Variants in CCDC81 observed in about 807,000 individuals in gnomAD.
The protein encoded by CCDC81 is coiled-coil domain containing 81, also known as coiled-coil domain-containing protein 81.
Under a neutral mutation model 83.7 loss-of-function variants are expected in CCDC81, and 79 were observed. The ratio of observed to expected loss-of-function variants is 0.94; its 90% confidence interval spans 0.79 to 1.14. The LOEUF is 1.14. CCDC81 is among the 50% of genes most tolerant of loss of function. The probability of loss-of-function intolerance (pLI) is 0.00; values close to 1 mark genes in which losing one functional copy is unlikely to be tolerated. For missense variants in CCDC81, 791 were observed against 778.1 expected (o/e 1.02, Z -0.20); for synonymous variants, 252 against 278.1 (o/e 0.91, Z 0.93).
chr11:86,416,826 CT>C (rs1279703489), intron 13 of CCDC81, among the ~76,000 whole-genome samples: 1 of 152,204 alleles, frequency 6.6e-6, no homozygotes, highest in African/African-American at 2.4e-5. Flanking sequence ...TAGAAGGCCA[CT>C]TTCTTTCAGA....
rs61157417 is a variant in CCDC81, at chr11:86,377,968, CTTTTTTTTTTTT to C, written c.79+2737_79+2748del. 1.5e-4 allele frequency among the ~76,000 whole-genome samples: 11 copies of C among 73,360 alleles called. 1 individual carries two copies. Among genetic ancestry groups the C allele is most frequent in the African/African-American group, 2.6e-4 (5 of 19,216 alleles). 48.1% of individuals were successfully genotyped at this position (73,360 alleles called of 152,430 possible). A position where few individuals can be genotyped will look rare whatever the true frequency, so the allele number is the denominator to read the frequency against. On this transcript the variant is annotated intron_variant, in intron 1 of 14. Coordinates refer to ENST00000445632, the MANE Select transcript of CCDC81 (RefSeq NM_001156474.2). ...AAGGTGTAAGGTCTGTGCCTAGGTT[CTTTTTTTTTTTT>C]TTTTTTTTTTGCATGTGGATGTCCA...
In CCDC81 at chr11:86,392,677, G is replaced by T; in HGVS notation, c.435G>T (p.Glu145Asp). Reference sequence around the variant, plus strand: ...CCATTTCCATGAAACAAAATGTGGAGTTTACATTCAAAGGAATTGGGGTCC... The same window carrying T: ...CCATTTCCATGAAACAAAATGTGGATTTTACATTCAAAGGAATTGGGGTCC... ...SRSISMKQNVEFTFKGIGVLM... is the reference protein window; with the variant it reads ...SRSISMKQNVDFTFKGIGVLM... The change falls in exon 4 of 15, where the codon GAG (glutamate) becomes GAT (aspartate). Residue 145 changes from glutamate (E) to aspartate (D), a missense_variant. Transcript: ENST00000445632. The T allele has an allele frequency of 6.4e-7, 1 of 1,551,676 alleles. No individual in the cohort carries two copies. The highest frequency in any genetic ancestry group is 1.2e-5 in the South Asian group (1 of 84,062).
At chr11:86,375,781 A>G (rs1948090931) in intron 1 of CCDC81, among the ~76,000 whole-genome samples, 1 of 152,230 alleles carries the variant, frequency 6.6e-6, no homozygotes, top group African/African-American at 2.4e-5. Flanking sequence ...ATCTGTTTTT[A>G]GCATCGTTTG....
chr11:86,404,568 G>C (rs1948539582), intron 7 of CCDC81, among the ~76,000 whole-genome samples: 1 of 152,132 alleles, frequency 6.6e-6, no homozygotes, highest in Admixed American at 6.6e-5. Context: ...AGACCACATG[G>C]AAATAAGCTG....
In CCDC81 at chr11:86,415,121, C is replaced by G. The variant is rs118081475; in HGVS notation, c.1499C>G (p.Pro500Arg). The G allele has an allele frequency of 2.5e-4, 405 of 1,614,162 alleles. 2 individuals are homozygous for G. In the African/African-American group the frequency reaches 4.4e-3, roughly 17 times the overall value. Reference protein sequence around the residue: ...QIKNKPSRLPPFEPDSSEPIF... With the variant: ...QIKNKPSRLPRFEPDSSEPIF... ...AAGAACAAACCCTCTCGGCTGCCCC[C>G]CTTTGAGCCAGACTCCTCTGAGCCC... is the stretch of plus-strand genomic sequence containing the variant. Residue 500 changes from proline (P) to arginine (R), a missense_variant, in exon 13 of 15, where the codon CCC becomes CGC. Pro to Arg is a moderately radical substitution (Grantham distance 103). Transcript: ENST00000445632.
Position 86,386,360 on chromosome 11 carries a change from G to GT in CCDC81, c.141+250dup, listed in dbSNP as rs373025474. On this transcript the variant is annotated intron_variant, in intron 2 of 14. Coordinates refer to ENST00000445632, the MANE Select transcript of CCDC81 (RefSeq NM_001156474.2). Reference sequence around the variant, plus strand: ...AATTTGTAAGTTCTGCTCTTCTAGTGTTACAGAGTGTAGTGCTGATCAGCC... The same window carrying GT: ...AATTTGTAAGTTCTGCTCTTCTAGTGTTTACAGAGTGTAGTGCTGATCAGCC... Among the ~76,000 whole-genome samples the GT allele has an allele frequency of 1.5e-3, 225 of 152,258 alleles. 1 individual carries two copies. The highest frequency in any genetic ancestry group is 5.4e-3 in the African/African-American group (223 of 41,546).
chr11:86,398,528 A>T (rs1028246384), intron 6 of CCDC81, among the ~76,000 whole-genome samples: 3 of 144,432 alleles, frequency 2.1e-5, no homozygotes, highest in Non-Finnish European at 4.6e-5. Context: ...GACTCCAAAG[A>T]TTTTTTTTTT....
intron 5 of CCDC81, among the ~76,000 whole-genome samples, chr11:86,396,054 C>T (rs1386865103): frequency 6.6e-6 from 1 of 152,208 alleles, no homozygotes; most frequent in Non-Finnish European, 1.5e-5. Context: ...ACCACTTCTT[C>T]TGCCCTAGCT....
In CCDC81 at chr11:86,375,075, G is replaced by A; in HGVS notation, c.-89G>A. 8.7e-7 allele frequency: 1 copy of A among 1,146,608 alleles called. No homozygotes were observed. Among genetic ancestry groups the A allele is most frequent in the Non-Finnish European group, 1.3e-6 (1 of 756,660 alleles). The allele number at this position is 1,146,608 out of a possible 1,614,324, so 71.0% of individuals were successfully genotyped here. On this transcript the variant is annotated 5_prime_UTR_variant, in exon 1 of 15. Coordinates refer to ENST00000445632, the MANE Select transcript of CCDC81 (RefSeq NM_001156474.2). ...CCAAAGCTCCGTGGAGAAGGGGCTGGAGGGTGGGAAAATTATTTTTGTGCA... is the reference window on the plus strand; with the variant it reads ...CCAAAGCTCCGTGGAGAAGGGGCTGAAGGGTGGGAAAATTATTTTTGTGCA...
intron 10 of CCDC81, among the ~76,000 whole-genome samples, chr11:86,411,580 G>C (rs1270374930): frequency 6.6e-6 from 1 of 152,142 alleles, no homozygotes; most frequent in Non-Finnish European, 1.5e-5. Flanking sequence ...GCCCACAGTA[G>C]GTATTCAGTT....
chr11:86,417,918 A>G (rs909718728), intron 13 of CCDC81, among the ~76,000 whole-genome samples: 2 of 151,926 alleles, frequency 1.3e-5, no homozygotes, highest in African/African-American at 2.4e-5. Context: ...TGGCTAATGT[A>G]TGATACATTT....
intron 14 of CCDC81, 24 bp from the exon 15 acceptor site, chr11:86,422,550 C>A: frequency 6.3e-7 from 1 of 1,598,836 alleles, no homozygotes; most frequent in Non-Finnish European, 8.6e-7. Context: ...ACCTGCTGAT[C>A]GGCATTTGCT....
chr11:86,403,751 A>G (rs1948525738), intron 7 of CCDC81, among the ~76,000 whole-genome samples: 1 of 152,130 alleles, frequency 6.6e-6, no homozygotes, highest in African/African-American at 2.4e-5. Flanking sequence ...GTTTTATATT[A>G]TTGGGATTTG....
At chr11:86,400,826 T>C (rs1948476536) in intron 7 of CCDC81, 25 bp downstream of exon 7, 4 of 1,567,538 alleles carry the variant, frequency 2.6e-6, no homozygotes, top group Non-Finnish European at 3.5e-6. Flanking sequence ...TTTTTTTTTC[T>C]GTTGTACTTT....
intron 14 of CCDC81, among the ~76,000 whole-genome samples, chr11:86,420,548 T>C (rs1009962729): frequency 6.6e-6 from 1 of 152,172 alleles, no homozygotes; most frequent in African/African-American, 2.4e-5. Context: ...ACTACTGTTG[T>C]ATTACATCTT....
In CCDC81 at chr11:86,395,257, A is replaced by T. The variant is rs563197100; in HGVS notation, c.556-77A>T. The stretch of plus-strand genomic sequence containing the variant: ...GAAAAGTATCGTGGTAGCCTTGCCT[A>T]TGAGCCTGCAGTTTTTAATTTGTCT... On this transcript the variant is annotated intron_variant, in intron 4 of 14. Transcript: ENST00000445632. 797 of 1,105,784 alleles carry T rather than the reference A, an allele frequency of 7.2e-4. 6 individuals are homozygous for T. Among genetic ancestry groups the T allele is most frequent in the South Asian group, 7.2e-4 (54 of 74,802 alleles). 68.5% of individuals were successfully genotyped at this position (1,105,784 alleles called of 1,614,324 possible). A position where few individuals can be genotyped will look rare whatever the true frequency, so the allele number is the denominator to read the frequency against.
At chr11:86,400,869 G>T (rs377452715) in intron 7 of CCDC81, 68 bp downstream of exon 7, 1 of 1,447,366 alleles carries the variant, frequency 6.9e-7, no homozygotes, top group Non-Finnish European at 9.4e-7. Flanking sequence ...TGCTTGATGC[G>T]GGGAACTGTA....
chr11:86,401,257 A>G (rs1196391523), intron 7 of CCDC81, among the ~76,000 whole-genome samples: 1 of 152,190 alleles, frequency 6.6e-6, no homozygotes, highest in Admixed American at 6.5e-5. Flanking sequence ...ACAATTTATC[A>G]TGGTCGTTTT....
At chr11:86,390,424 C>T (rs1332350096) in intron 3 of CCDC81, among the ~76,000 whole-genome samples, 1 of 152,050 alleles carries the variant, frequency 6.6e-6, no homozygotes, top group Non-Finnish European at 1.5e-5. Flanking sequence ...AGGTAGGGAC[C>T]AATTGTGAGG....
Sources: gnomAD v4.1 joint callset for allele counts (sites outside exome capture counted in the v4.1 genomes callset) on GRCh38, gnomAD v4.1.1 for gene constraint, MANE v1.5 for transcripts, NCBI Gene and HGNC (gene_info 2026-07-23, HGNC 2026-07-21) for gene names.